Variants in SLC14A2 observed in about 807,000 individuals in gnomAD.
SLC14A2 encodes solute carrier family 14 member 2.
A neutral mutation model predicts 104.6 loss-of-function variants in SLC14A2; 91 were observed. That is an observed-to-expected ratio of 0.87 (90% CI 0.73 to 1.04). The LOEUF is 1.04. Among genes scored for constraint, SLC14A2 ranks in the 50% least tolerant of loss-of-function variants. SLC14A2 has a pLI of 0.00. For synonymous variants in SLC14A2, 476 were observed against 466.4 expected (o/e 1.02, Z -0.27); for missense variants, 1,189 against 1,156.0 (o/e 1.03, Z -0.41).
At chr18:45,410,658 A>G (rs758677201) in intron 1 of SLC14A2, among the ~76,000 whole-genome samples, 88 of 152,276 alleles carry the variant, frequency 5.8e-4, no homozygotes, top group Non-Finnish European at 9.1e-4. Flanking sequence ...TGGATTCCAT[A>G]TTTACAAATT....
chr18:45,512,369 G>A (rs1183351402), intron 2 of SLC14A2, among the ~76,000 whole-genome samples: 1 of 152,196 alleles, frequency 6.6e-6, no homozygotes, highest in Non-Finnish European at 1.5e-5. Context: ...AGGCCAGGGA[G>A]AAGAGTCCTT....
At chr18:45,478,160 G>A (rs780409319) in intron 1 of SLC14A2, among the ~76,000 whole-genome samples, 2 of 152,210 alleles carry the variant, frequency 1.3e-5, no homozygotes, top group Non-Finnish European at 2.9e-5. Flanking sequence ...AAAGACCATG[G>A]GAAAAGAATA....
intron 1 of SLC14A2, among the ~76,000 whole-genome samples, chr18:45,358,942 A>C (rs1431633577): frequency 2.0e-5 from 3 of 152,198 alleles, no homozygotes; most frequent in Non-Finnish European, 4.4e-5. Flanking sequence ...AAGGAAGGTG[A>C]ACTTTGAATA....
At chr18:45,393,498 A>G (rs1241615916) in intron 1 of SLC14A2, among the ~76,000 whole-genome samples, 4 of 152,224 alleles carry the variant, frequency 2.6e-5, no homozygotes, top group Non-Finnish European at 5.9e-5. Context: ...CTCTACAGAA[A>G]GGATTGTGAC....
intron 2 of SLC14A2, among the ~76,000 whole-genome samples, chr18:45,503,331 T>G (rs1384327638): frequency 6.6e-6 from 1 of 152,280 alleles, no homozygotes; most frequent in African/African-American, 2.4e-5. Flanking sequence ...CTCCACGTTA[T>G]GTACATTAAC....
intron 1 of SLC14A2, among the ~76,000 whole-genome samples, chr18:45,342,344 G>C (rs1442963173): frequency 1.3e-5 from 2 of 152,178 alleles, no homozygotes; most frequent in Non-Finnish European, 2.9e-5. Flanking sequence ...AAGAAGAAGG[G>C]AAGTAGAAGA....
At chr18:45,210,479 T>C (rs2083952479), upstream of SLC14A2, among the ~76,000 whole-genome samples, 1 of 152,194 alleles carries the variant, frequency 6.6e-6, no homozygotes, top group South Asian at 2.1e-4. Context: ...TTCAGTAGGC[T>C]GAGGCAGGAG....
chr18:45,211,618 C>G (rs1384159917), upstream of SLC14A2, among the ~76,000 whole-genome samples: 2 of 152,100 alleles, frequency 1.3e-5, no homozygotes, highest in Non-Finnish European at 1.5e-5. Context: ...TGCTCTCTCC[C>G]TCCTCTGCTT....
intron 1 of SLC14A2, among the ~76,000 whole-genome samples, chr18:45,444,941 T>G (rs1160227094): frequency 2.0e-5 from 3 of 152,172 alleles, no homozygotes; most frequent in South Asian, 2.1e-4. Flanking sequence ...ATAGCCAGTA[T>G]CTAATACAAT....
chr18:45,496,222 A>G (rs2043094937), intron 2 of SLC14A2, among the ~76,000 whole-genome samples: 1 of 152,220 alleles, frequency 6.6e-6, no homozygotes, highest in Admixed American at 6.5e-5. Flanking sequence ...TATCATCTTT[A>G]TTATACAAAA....
At chr18:45,497,539 A>G (rs979970605) in intron 2 of SLC14A2, among the ~76,000 whole-genome samples, 2 of 152,216 alleles carry the variant, frequency 1.3e-5, no homozygotes, top group East Asian at 3.8e-4. Context: ...AAGGGTGGCC[A>G]GACAAGGCCT....
Position 45,555,430 on chromosome 18 carries a change from T to C in SLC14A2, c.-34-69201T>C, listed in dbSNP as rs572273197. ...TACATCTAGATAAACCCATGGTACA[T>C]TGAAAATATCATAAGTCAAAAATAT... On this transcript the variant is annotated intron_variant, in intron 2 of 20. Transcript: ENST00000586448. Among the ~76,000 whole-genome samples the C allele has an allele frequency of 3.3e-5, 5 of 152,298 alleles. No homozygotes were observed. In the East Asian group the frequency reaches 5.8e-4, roughly 18 times the overall value.
chr18:45,678,590 T>A (rs988266004), intron 18 of SLC14A2, among the ~76,000 whole-genome samples: 1 of 152,232 alleles, frequency 6.6e-6, no homozygotes, highest in Non-Finnish European at 1.5e-5. Context: ...GAAACCCATA[T>A]TATGTTAATA....
At chr18:45,526,964 A>G (rs1289981507) in intron 2 of SLC14A2, among the ~76,000 whole-genome samples, 1 of 152,236 alleles carries the variant, frequency 6.6e-6, no homozygotes, top group Admixed American at 6.5e-5. Context: ...CATTGGATGG[A>G]TAATAATGGA....
chr18:45,197,331 A>T, the SLC14A2 span, among the ~76,000 whole-genome samples: 1 of 152,246 alleles, frequency 6.6e-6, no homozygotes, highest in East Asian at 1.9e-4. Flanking sequence ...TGCATGATAC[A>T]TAAAAGACCT....
chr18:45,554,532 G>A (rs989521929), intron 2 of SLC14A2, among the ~76,000 whole-genome samples: 2 of 152,144 alleles, frequency 1.3e-5, no homozygotes, highest in South Asian at 2.1e-4. Context: ...GGCAAGCAAC[G>A]GGAGCAGCTG....
Position 45,445,091 on chromosome 18 carries a change from T to G in SLC14A2, c.-124-38142T>G, listed in dbSNP as rs189973996. Among the ~76,000 whole-genome samples the G allele has an allele frequency of 1.8e-3, 270 of 147,538 alleles. 1 individual carries two copies. The highest frequency in any genetic ancestry group is 6.6e-3 in the African/African-American group (263 of 39,854). On this transcript the variant is annotated intron_variant, in intron 1 of 20. Coordinates refer to the SLC14A2 transcript ENST00000586448. Reference sequence around the variant, plus strand: ...AAATGTGCAGATGTTTAACTCTTTGTGGCAAATTGACATGCTTTTTTTTTT... The same window carrying G: ...AAATGTGCAGATGTTTAACTCTTTGGGGCAAATTGACATGCTTTTTTTTTT...
intron 2 of SLC14A2, among the ~76,000 whole-genome samples, chr18:45,514,578 T>C (rs1300812192): frequency 6.6e-6 from 1 of 152,168 alleles, no homozygotes; most frequent in Non-Finnish European, 1.5e-5. Context: ...GTGGATCTAT[T>C]AGAAAATGCT....
intron 1 of SLC14A2, among the ~76,000 whole-genome samples, chr18:45,256,528 C>G (rs1568123734): frequency 6.6e-6 from 1 of 152,344 alleles, no homozygotes; most frequent in East Asian, 1.9e-4. Context: ...GCCTCATTCC[C>G]TCTTAGCTAA....
Sources: allele counts gnomAD v4.1 joint callset (sites outside exome capture counted in the v4.1 genomes callset), GRCh38; gene constraint gnomAD v4.1.1; transcripts MANE v1.5; gene names NCBI Gene and HGNC (gene_info 2026-07-23, HGNC 2026-07-21).